The following NOP16 variants were observed in gnomAD, a reference collection of about 807,000 sequenced individuals.
NOP16 encodes nucleolar protein 16.
Under a neutral mutation model 22.7 loss-of-function variants are expected in NOP16, and 14 were observed. The observed-to-expected ratio is 0.62, with a 90% CI of 0.41 to 0.97. The LOEUF (loss-of-function observed/expected upper bound fraction) is 0.97, where lower values mean the gene tolerates loss of function less well. NOP16 is among the 50% of genes least tolerant of loss of function. The pLI is 0.00. For synonymous variants in NOP16, 80 were observed against 83.6 expected, an observed-to-expected ratio of 0.96 and a Z score of 0.23; for missense variants, 198 against 235.9, an observed-to-expected ratio of 0.84 and a Z score of 1.05.
Position 176,386,850 on chromosome 5 carries a change from A to C in NOP16, c.276T>G (p.Tyr92Ter). The change falls in exon 3 of 5, where the codon TAT (tyrosine) becomes TAG (stop). Residue 92 changes from tyrosine to a stop codon, truncating the protein, a stop_gained. Coordinates refer to ENST00000614830, the MANE Select transcript of NOP16 (RefSeq NM_016391.8). LOFTEE classifies it high-confidence loss of function. ...ATGGACCACACCCACCATTCAGCACATAGGGCTTCCGTACAAGCTCTTTAG... is the reference window on the plus strand; with the variant it reads ...ATGGACCACACCCACCATTCAGCACCTAGGGCTTCCGTACAAGCTCTTTAG... ...ERPKELVRKP[Y>*]VLNDLEAEAS... 6.2e-7 allele frequency: 1 copy of C among 1,614,020 alleles called. No individual in the cohort carries two copies. Among genetic ancestry groups the C allele is most frequent in the Non-Finnish European group, 8.5e-7 (1 of 1,179,896 alleles).
chr5:176,386,615 C>A, intron 3 of NOP16: 1 of 637,704 alleles, frequency 1.6e-6, no homozygotes, highest in South Asian at 1.6e-5. Context: ...TACATCCTCC[C>A]TAAACATCTC....
rs1481735208 is a variant in NOP16 at position 176,386,844 on chromosome 5, C to G, written c.282G>C (p.Leu94=). 2.5e-6 allele frequency: 4 copies of G among 1,613,748 alleles called. No homozygotes were observed. The Admixed American group carries it at 6.7e-5, about 27-fold the overall frequency. The part of the protein sequence containing the change: ...PKELVRKPYV[L]NDLEAEASLP... ...GAATATATGGACCACACCCACCATT[C>G]AGCACATAGGGCTTCCGTACAAGCT... is the stretch of plus-strand genomic sequence containing the variant. The change falls in exon 3 of 5, where the codon CTG becomes CTC. Residue 94 remains leucine (L), a synonymous_variant. Coordinates refer to ENST00000614830, the MANE Select transcript of NOP16 (RefSeq NM_016391.8).
chr5:176,387,759 G>A (rs912921611), intron 2 of NOP16, among the ~76,000 whole-genome samples: 2 of 152,174 alleles, frequency 1.3e-5, no homozygotes, highest in East Asian at 1.9e-4. Context: ...AAAATCAGCC[G>A]GGTATGGTGG....
chr5:176,386,984 A>T (rs756946627), intron 2 of NOP16, 75 bp from the exon 3 acceptor site: 1 of 1,270,736 alleles, frequency 7.9e-7, no homozygotes, highest in Non-Finnish European at 1.2e-6. Flanking sequence ...TTATCCCAAC[A>T]CAACTACTAA....
At chr5:176,387,133 A>C (rs1755922112) in intron 2 of NOP16, among the ~76,000 whole-genome samples, 1 of 151,676 alleles carries the variant, frequency 6.6e-6, no homozygotes, top group Admixed American at 6.6e-5. Flanking sequence ...GCCCAGGTTC[A>C]AATGCAGTGG....
Position 176,384,185 on chromosome 5 carries a change from T to C in NOP16, c.*46A>G. 6.2e-7 allele frequency: 1 copy of C among 1,614,106 alleles called. No homozygotes were observed. ...CCTTACACCCTGGCTCCAGCTTCAC[T>C]GGTCCGGGGGACGCCTCAGCCTGGG... On this transcript the variant is annotated 3_prime_UTR_variant, in exon 5 of 5. Coordinates refer to ENST00000614830, the MANE Select transcript of NOP16 (RefSeq NM_016391.8).
In NOP16 at chr5:176,384,353, T is replaced by A. The variant is rs763535412; in HGVS notation, c.415A>T (p.Asn139Tyr). The part of the protein sequence containing the change: ...DYKAMARDEK[N>Y]YYQDTPKQIR... ...TGTTTTGGGGTATCTTGATAGTAATTCTTCTCATCACGGGCCATGGCCTAA... is the reference window on the plus strand; with the variant it reads ...TGTTTTGGGGTATCTTGATAGTAATACTTCTCATCACGGGCCATGGCCTAA... Residue 139 changes from asparagine to tyrosine, a missense_variant, in exon 5 of 5, where the codon AAT becomes TAT. Asn to Tyr is a moderately radical substitution (Grantham distance 143). Transcript: ENST00000614830. 1 of 1,613,948 alleles carries A rather than the reference T, an allele frequency of 6.2e-7. No homozygotes were observed. Among genetic ancestry groups the A allele is most frequent in the South Asian group, 1.1e-5 (1 of 91,076 alleles).
At chr5:176,384,495 G>T in intron 4 of NOP16, 121 bp from the exon 5 acceptor site, 1 of 972,010 alleles carries the variant, frequency 1.0e-6, no homozygotes, top group Non-Finnish European at 1.5e-6. Context: ...TGACCTCAAA[G>T]GCTGTGGTGC....
intron 3 of NOP16, 69 bp from the exon 4 acceptor site, chr5:176,385,396 A>G (rs1755761459): frequency 2.9e-5 from 28 of 951,290 alleles, no homozygotes; most frequent in Non-Finnish European, 4.4e-5. Context: ...GAGCTGTCCA[A>G]TCACCCCTTC....
At position 176,384,323 on chromosome 5, in the gene NOP16, G is replaced by A. The variant is rs200749495; in HGVS notation, c.445C>T (p.Arg149Trp). Residue 149 changes from arginine (R) to tryptophan (W), a missense_variant, in exon 5 of 5, where the codon CGG becomes TGG. By Grantham distance (101) the Arg-to-Trp change is moderately radical (BLOSUM62 -3). Coordinates refer to ENST00000614830, the MANE Select transcript of NOP16 (RefSeq NM_016391.8). ...NYYQDTPKQI[R>W]SKINVYKRFY... is the part of the protein sequence containing the mutation. ...CGTTTATAGACGTTGATCTTACTCC[G>A]AATCTGTTTTGGGGTATCTTGATAG... The A allele has an allele frequency of 9.9e-6, 16 of 1,614,226 alleles. No individual in the cohort carries two copies. The highest frequency in any genetic ancestry group is 2.2e-5 in the South Asian group (2 of 91,086).
At chr5:176,384,492 A>AGGG in intron 4 of NOP16, 118 bp from the exon 5 acceptor site, 2 of 1,028,016 alleles carry the variant, frequency 1.9e-6, no homozygotes, top group Non-Finnish European at 2.9e-6. Context: ...TCCTGACCTC[A>AGGG]AAGGCTGTGG....
rs1755657573 is a variant in NOP16 at position 176,384,315 on chromosome 5, C to G, written c.453G>C (p.Lys151Asn). The G allele has an allele frequency of 1.2e-6, 2 of 1,614,132 alleles. No homozygotes were observed. The highest frequency in any genetic ancestry group is 1.3e-5 in the African/African-American group (1 of 74,946). Residue 151 changes from lysine to asparagine, a missense_variant, in exon 5 of 5, where the codon AAG (lysine) becomes AAC (asparagine). Lys to Asn is a moderately conservative substitution (Grantham distance 94, BLOSUM62 0). Transcript: ENST00000614830. ...YQDTPKQIRS[K>N]INVYKRFYPA... is the part of the protein sequence containing the mutation. ...GGTAAAAGCGTTTATAGACGTTGATCTTACTCCGAATCTGTTTTGGGGTAT... is the reference window on the plus strand; with the variant it reads ...GGTAAAAGCGTTTATAGACGTTGATGTTACTCCGAATCTGTTTTGGGGTAT...
At chr5:176,387,091 T>C in intron 2 of NOP16, 182 bp from the exon 3 acceptor site, 1 of 585,278 alleles carries the variant, frequency 1.7e-6, no homozygotes. Flanking sequence ...TTTTTTTTTC[T>C]TTTTCTTTTT....
At position 176,385,203 on chromosome 5, in the gene NOP16, G is replaced by A. The variant is rs370500348; in HGVS notation, c.393+18C>T. On this transcript the variant is annotated intron_variant, in intron 4 of 4. Transcript: ENST00000614830. ...CAGGGCGCCTTCCCAGCCAGCCCAC[G>A]GGGCCTGAGCCGCTCACCTTATAGT... 33 of 1,484,750 alleles carry A rather than the reference G, an allele frequency of 2.2e-5. 1 individual carries two copies. Among genetic ancestry groups the A allele is most frequent in the South Asian group, 1.6e-4 (14 of 88,554 alleles). 92.0% of individuals were successfully genotyped at this position (1,484,750 alleles called of 1,614,324 possible).
chr5:176,384,667 G>T (rs916602820), intron 4 of NOP16: 2 of 438,032 alleles, frequency 4.6e-6, no homozygotes, highest in Non-Finnish European at 8.1e-6. Flanking sequence ...CTACTTGGGA[G>T]GCCGAGGCAG....
At chr5:176,387,626 G>A (rs1164729269) in intron 2 of NOP16, among the ~76,000 whole-genome samples, 1 of 152,224 alleles carries the variant, frequency 6.6e-6, no homozygotes, top group Non-Finnish European at 1.5e-5. Context: ...AAGATGAATT[G>A]CTTGCTTTTC....
In NOP16 at chr5:176,386,845, A is replaced by G. The variant is rs780301628; in HGVS notation, c.281T>C (p.Leu94Pro). Residue 94 changes from leucine (L) to proline (P), a missense_variant, in exon 3 of 5, where the codon CTG (leucine) becomes CCG (proline). Coordinates refer to ENST00000614830, the MANE Select transcript of NOP16 (RefSeq NM_016391.8). ...PKELVRKPYV[L>P]NDLEAEASLP... Reference sequence around the variant, plus strand: ...AATATATGGACCACACCCACCATTCAGCACATAGGGCTTCCGTACAAGCTC... The same window carrying G: ...AATATATGGACCACACCCACCATTCGGCACATAGGGCTTCCGTACAAGCTC... The G allele has an allele frequency of 2.4e-5, 39 of 1,613,818 alleles. No homozygotes were observed. In the African/African-American group the frequency reaches 4.7e-4, roughly 19 times the overall value.
Position 176,388,231 on chromosome 5 carries a change from G to T in NOP16, c.216+4C>A. The T allele has an allele frequency of 6.2e-7, 1 of 1,603,620 alleles. No homozygotes were observed. The highest frequency in any genetic ancestry group is 8.5e-7 in the Non-Finnish European group (1 of 1,170,596). On this transcript the variant is annotated splice_donor_region_variant and intron_variant, in intron 2 of 4. Coordinates refer to ENST00000614830, the MANE Select transcript of NOP16 (RefSeq NM_016391.8). ...CAAGGACCGAGACCCTGCCATGTCAGTACCTTTCTCTTACGGAGGGGCACC... is the reference window on the plus strand; with the variant it reads ...CAAGGACCGAGACCCTGCCATGTCATTACCTTTCTCTTACGGAGGGGCACC...
At chr5:176,385,990 C>T (rs1755817118) in intron 3 of NOP16, 1 of 152,534 alleles carries the variant, frequency 6.6e-6, no homozygotes, top group Non-Finnish European at 1.5e-5. Context: ...TGTATATAGT[C>T]AAAATTATCT....
Sources: gnomAD v4.1 joint callset for allele counts (sites outside exome capture counted in the v4.1 genomes callset) on GRCh38, gnomAD v4.1.1 for gene constraint, MANE v1.5 for transcripts, NCBI Gene and HGNC (gene_info 2026-07-23, HGNC 2026-07-21) for gene names.